Variants in MPP7 observed in about 807,000 individuals in gnomAD.
MPP7 encodes MAGUK p55 subfamily member 7.
MPP7 carries 60 observed loss-of-function variants against 76.5 expected under a neutral mutation model. The observed-to-expected ratio is 0.78, with a 90% confidence interval of 0.64 to 0.97. MPP7 has a LOEUF of 0.97. Among genes scored for constraint, MPP7 ranks in the 50% least tolerant of loss-of-function variants. MPP7 has a pLI of 0.00. For synonymous variants in MPP7, 237 were observed against 244.5 expected (o/e 0.97, Z 0.29); for missense variants, 641 against 694.0 (o/e 0.92, Z 0.86).
chr10:28,147,961 G>A (rs1263957151), intron 4 of MPP7, among the ~76,000 whole-genome samples: 1 of 152,126 alleles, frequency 6.6e-6, no homozygotes, highest in African/African-American at 2.4e-5. Flanking sequence ...ATGAGGTGGT[G>A]AAATCCACAG....
chr10:28,069,679 A>T (rs1174265527), intron 13 of MPP7, 93 bp downstream of exon 13: 7 of 1,070,516 alleles, frequency 6.5e-6, no homozygotes, highest in Admixed American at 5.3e-5. Context: ...AAAAAATTTT[A>T]AAAACAAGTT....
intron 6 of MPP7, among the ~76,000 whole-genome samples, chr10:28,127,148 G>A (rs184936619): frequency 2.6e-4 from 39 of 152,308 alleles, no homozygotes; most frequent in Admixed American, 7.2e-4. Flanking sequence ...ACTATGGACT[G>A]TACAGTTTTT....
At chr10:28,290,576 G>T (rs557885072) in intron 1 of MPP7, among the ~76,000 whole-genome samples, 5 of 152,084 alleles carry the variant, frequency 3.3e-5, no homozygotes, top group Non-Finnish European at 5.9e-5. Context: ...AGGTTCAAGC[G>T]ATTCTCCTGT....
At chr10:28,118,146 C>T in intron 11 of MPP7, 1 of 984,258 alleles carries the variant, frequency 1.0e-6, no homozygotes, top group Non-Finnish European at 1.2e-6. Flanking sequence ...CAAAAGGACT[C>T]CGTTACAATT....
chr10:28,098,323 AAGAC>A (rs1256048545), intron 11 of MPP7, among the ~76,000 whole-genome samples: 2 of 151,930 alleles, frequency 1.3e-5, no homozygotes, highest in Non-Finnish European at 2.9e-5. Flanking sequence ...TGGGAAAAAA[AAGAC>A]AGGATACAAT....
intron 11 of MPP7, among the ~76,000 whole-genome samples, chr10:28,094,753 G>T (rs1853483569): frequency 6.6e-6 from 1 of 152,164 alleles, no homozygotes; most frequent in African/African-American, 2.4e-5. Context: ...GTTAAATATT[G>T]TAGATGCCTA....
At chr10:28,114,231 T>C (rs1259442211) in intron 11 of MPP7, among the ~76,000 whole-genome samples, 1 of 152,066 alleles carries the variant, frequency 6.6e-6, no homozygotes, top group African/African-American at 2.4e-5. Context: ...AACCACATAG[T>C]GAGAACCCAT....
intron 3 of MPP7, among the ~76,000 whole-genome samples, chr10:28,179,982 T>A (rs1193839509): frequency 2.0e-5 from 3 of 152,192 alleles, no homozygotes; most frequent in African/African-American, 7.2e-5. Context: ...AAAGCAATTC[T>A]AGATGCTATG....
chr10:28,145,813 AT>A (rs1392634121), intron 5 of MPP7, among the ~76,000 whole-genome samples: 1 of 152,124 alleles, frequency 6.6e-6, no homozygotes, highest in Non-Finnish European at 1.5e-5. Flanking sequence ...CACCTAAAAT[AT>A]TTTCCACATA....
intron 16 of MPP7, among the ~76,000 whole-genome samples, chr10:28,054,970 C>T (rs1205056488): frequency 6.6e-6 from 1 of 152,178 alleles, no homozygotes; most frequent in African/African-American, 2.4e-5. Flanking sequence ...TGAGCCACCA[C>T]GCCCGGCTGA....
At position 28,129,633 on chromosome 10, in the gene MPP7, G is replaced by A. The variant is rs576899356; in HGVS notation, c.447+1927C>T. 1.1e-4 allele frequency among the ~76,000 whole-genome samples: 16 copies of A among 151,828 alleles called. No individual in the cohort carries two copies. The South Asian group carries it at 1.9e-3, about 18-fold the overall frequency. ...CTTTATTTATTTCCTATAAACTGCCGTATTGCAAGGTCTCCTCAAGTAGGT... is the reference window on the plus strand; with the variant it reads ...CTTTATTTATTTCCTATAAACTGCCATATTGCAAGGTCTCCTCAAGTAGGT... On this transcript the variant is annotated intron_variant, in intron 6 of 16. Coordinates refer to ENST00000683449, the MANE Select transcript of MPP7 (RefSeq NM_001318170.2).
chr10:28,244,193 T>G (rs1839360350), intron 1 of MPP7, among the ~76,000 whole-genome samples: 1 of 152,180 alleles, frequency 6.6e-6, no homozygotes, highest in Non-Finnish European at 1.5e-5. Flanking sequence ...TATCCTTACA[T>G]CCTATCTGCT....
chr10:28,273,723 C>T (rs576256348), intron 1 of MPP7, among the ~76,000 whole-genome samples: 7 of 152,342 alleles, frequency 4.6e-5, no homozygotes, highest in East Asian at 3.9e-4. Flanking sequence ...CTTTGCAGAA[C>T]GCAATTATTC....
At chr10:28,235,267 A>G (rs2134128435) in intron 2 of MPP7, among the ~76,000 whole-genome samples, 1 of 152,358 alleles carries the variant, frequency 6.6e-6, no homozygotes, top group South Asian at 2.1e-4. Context: ...GTTAATAATA[A>G]TCATGTATCA....
At chr10:28,138,606 G>A (rs1835419076) in intron 5 of MPP7, among the ~76,000 whole-genome samples, 1 of 152,130 alleles carries the variant, frequency 6.6e-6, no homozygotes, top group South Asian at 2.1e-4. Flanking sequence ...CAGTTCTCCA[G>A]TGACACTATT....
At chr10:28,202,020 C>T (rs1011894240) in intron 3 of MPP7, 133 bp downstream of exon 3, 13 of 671,090 alleles carry the variant, frequency 1.9e-5, no homozygotes, top group South Asian at 5.6e-5. Flanking sequence ...ACAACTTCCA[C>T]GCCCGTCGGT....
chr10:28,198,175 C>T lies in MPP7; in HGVS notation c.156+3978G>A, dbSNP rs141717996. Among the ~76,000 whole-genome samples, 290 of 152,240 alleles carry T rather than the reference C, an allele frequency of 1.9e-3. 2 individuals carry two copies. The highest frequency in any genetic ancestry group is 5.8e-3 in the African/African-American group (239 of 41,542). On this transcript the variant is annotated intron_variant, in intron 3 of 16. Coordinates refer to ENST00000683449, the MANE Select transcript of MPP7 (RefSeq NM_001318170.2). ...TTAAAGGGTAGGGGTAAACATAACA[C>T]AACCATTTAAAAGGTACTAACAATT...
At chr10:28,081,697 T>A (rs1852767809) in intron 12 of MPP7, among the ~76,000 whole-genome samples, 1 of 152,060 alleles carries the variant, frequency 6.6e-6, no homozygotes, top group Non-Finnish European at 1.5e-5. Flanking sequence ...TCAACAATAT[T>A]TATGAAACGG....
intron 11 of MPP7, among the ~76,000 whole-genome samples, chr10:28,095,800 A>G (rs1853542417): frequency 6.6e-6 from 1 of 152,246 alleles, no homozygotes. Flanking sequence ...GTAAGGGAAC[A>G]GTTTTACATA....
Sources: allele counts gnomAD v4.1 joint callset (sites outside exome capture counted in the v4.1 genomes callset), GRCh38; gene constraint gnomAD v4.1.1; transcripts MANE v1.5; gene names NCBI Gene and HGNC (gene_info 2026-07-23, HGNC 2026-07-21).